ABHD18: variants seen among roughly 807,000 people sequenced by gnomAD.
ABHD18 encodes cardiolipin-specific deacylase, mitochondrial.
In ABHD18, 55 loss-of-function variants were observed where a neutral mutation model predicts 65.9. The ratio of observed to expected loss-of-function variants is 0.84; its 90% CI spans 0.67 to 1.05. ABHD18 has a LOEUF of 1.05. ABHD18 is among the 50% of genes least tolerant of loss of function. The probability of loss-of-function intolerance (pLI) is 0.00; values close to 1 mark genes in which losing one functional copy is unlikely to be tolerated. For synonymous variants in ABHD18, 181 were observed against 180.2 expected (o/e 1.00, Z -0.04); for missense variants, 533 against 558.5 (o/e 0.95, Z 0.46).
At chr4:127,973,296 G>A (rs1317322629) in intron 1 of ABHD18, among the ~76,000 whole-genome samples, 3 of 152,164 alleles carry the variant, frequency 2.0e-5, no homozygotes, top group Non-Finnish European at 4.4e-5. Flanking sequence ...GATTACAGAT[G>A]TAAGCCACCA....
At chr4:128,025,635 A>G (rs553446623) in intron 10 of ABHD18, among the ~76,000 whole-genome samples, 2 of 152,296 alleles carry the variant, frequency 1.3e-5, no homozygotes, top group South Asian at 4.1e-4. Context: ...ATAAGTGTAA[A>G]TTCCTAGAAA....
intron 1 of ABHD18, among the ~76,000 whole-genome samples, chr4:127,966,845 A>T (rs1242719162): frequency 2.0e-5 from 3 of 148,604 alleles, no homozygotes; most frequent in Non-Finnish European, 4.5e-5. Context: ...AGATCACGCC[A>T]CTGCACTCCA....
intron 4 of ABHD18, among the ~76,000 whole-genome samples, chr4:127,992,895 A>T (rs1751162708): frequency 6.6e-6 from 1 of 152,084 alleles, no homozygotes; most frequent in Non-Finnish European, 1.5e-5. Context: ...GAAAGCATTA[A>T]GTCAGCCTGA....
At chr4:128,013,358 A>C (rs11947313) in intron 7 of ABHD18, among the ~76,000 whole-genome samples, 4,428 of 152,214 alleles carry the variant, frequency 0.029, 199 homozygotes, top group African/African-American at 0.1. Flanking sequence ...GATATAGTTA[A>C]GTTTAAATAA....
rs70966065 is a variant in ABHD18 at position 127,966,702 on chromosome 4, C to CAAAAAAAA, written c.-18+1125_-18+1132dup. On this transcript the variant is annotated intron_variant, in intron 1 of 12. Transcript: ENST00000645843. ...TGAAACCCCGTCTCTACTAAAAATA[C>CAAAAAAAA]AAAAAAAAAAAAAAAAAAAAAAAAA... Among the ~76,000 whole-genome samples the CAAAAAAAA allele has an allele frequency of 8.4e-4, 18 of 21,540 alleles. 4 individuals are homozygous for CAAAAAAAA. The highest frequency in any genetic ancestry group is 1.2e-3 in the African/African-American group (7 of 5,640). 14.1% of individuals were successfully genotyped at this position (21,540 alleles called of 152,430 possible). A position where few individuals can be genotyped will look rare whatever the true frequency, so the allele number is the denominator to read the frequency against.
chr4:127,972,088 G>C (rs758042180), intron 1 of ABHD18, among the ~76,000 whole-genome samples: 103 of 152,210 alleles, frequency 6.8e-4, no homozygotes, highest in Non-Finnish European at 2.1e-4. Context: ...TATGATTATA[G>C]GTTATTATAA....
intron 1 of ABHD18, among the ~76,000 whole-genome samples, chr4:127,973,731 T>C (rs1437902045): frequency 1.3e-5 from 2 of 150,756 alleles, no homozygotes; most frequent in African/African-American, 4.9e-5. Context: ...AGCTGCCATG[T>C]TGTGAACTTC....
At chr4:127,981,595 A>C (rs1405037115) in intron 1 of ABHD18, among the ~76,000 whole-genome samples, 1 of 152,190 alleles carries the variant, frequency 6.6e-6, no homozygotes, top group Admixed American at 6.5e-5. Flanking sequence ...GGAACTTATT[A>C]ACCCACCCAG....
intron 1 of ABHD18, among the ~76,000 whole-genome samples, chr4:127,978,682 A>G (rs1405192468): frequency 6.6e-6 from 1 of 152,180 alleles, no homozygotes; most frequent in African/African-American, 2.4e-5. Context: ...TCCATTTTAC[A>G]GATGAATTAC....
chr4:127,983,192 A>C, intron 2 of ABHD18, 145 bp downstream of exon 2: 1 of 576,934 alleles, frequency 1.7e-6, no homozygotes, highest in Non-Finnish European at 3.0e-6. Context: ...TTTCCTTTTT[A>C]CTTTTGTCTT....
intron 4 of ABHD18, among the ~76,000 whole-genome samples, chr4:128,008,643 G>T (rs1754045901): frequency 6.6e-6 from 1 of 151,996 alleles, no homozygotes; most frequent in South Asian, 2.1e-4. Flanking sequence ...ATTTCTTTAT[G>T]TATTTATTAA....
At chr4:128,003,325 G>A (rs972894522) in intron 4 of ABHD18, among the ~76,000 whole-genome samples, 9 of 150,680 alleles carry the variant, frequency 6.0e-5, no homozygotes, top group African/African-American at 9.8e-5. Context: ...CCGAGATCGC[G>A]CCACTGTACT....
intron 4 of ABHD18, among the ~76,000 whole-genome samples, chr4:127,993,129 T>C (rs894020058): frequency 1.3e-5 from 2 of 152,142 alleles, no homozygotes; most frequent in Non-Finnish European, 2.9e-5. Context: ...TTAGCCAGTA[T>C]GCTAAAGGAT....
chr4:127,985,178 A>G (rs1389312440), intron 3 of ABHD18, among the ~76,000 whole-genome samples: 3 of 152,208 alleles, frequency 2.0e-5, no homozygotes, highest in Non-Finnish European at 4.4e-5. Context: ...AGAGAATGGT[A>G]GAAAGAAAAT....
chr4:128,001,903 A>C, intron 4 of ABHD18: 1 of 1,028,124 alleles, frequency 9.7e-7, no homozygotes, highest in East Asian at 3.1e-5. Context: ...GTTTGAAAAA[A>C]ACAGATAAAT....
chr4:127,968,039 C>T (rs1171493706), intron 1 of ABHD18, among the ~76,000 whole-genome samples: 10 of 152,128 alleles, frequency 6.6e-5, no homozygotes, highest in Non-Finnish European at 1.3e-4. Context: ...GAAACCCCGT[C>T]TCTACTAAAA....
At chr4:128,018,695 A>G (rs1160445310) in intron 8 of ABHD18, among the ~76,000 whole-genome samples, 2 of 152,074 alleles carry the variant, frequency 1.3e-5, no homozygotes, top group Non-Finnish European at 2.9e-5. Context: ...CTTGAATTAG[A>G]AAATTAAGCT....
chr4:128,014,924 A>T (rs1755222556), intron 7 of ABHD18, among the ~76,000 whole-genome samples: 1 of 152,152 alleles, frequency 6.6e-6, no homozygotes, highest in Admixed American at 6.6e-5. Flanking sequence ...CTAAAAATAC[A>T]GAAATTAGCT....
rs186224305 is a variant in ABHD18 at position 128,034,045 on chromosome 4, G to A, written c.1344-1717G>A. 3.2e-3 allele frequency among the ~76,000 whole-genome samples: 445 copies of A among 139,670 alleles called. 4 individuals carry two copies. The highest frequency in any genetic ancestry group is 0.012 in the African/African-American group (428 of 37,118). 91.6% of individuals were successfully genotyped at this position (139,670 alleles called of 152,430 possible). A position where few individuals can be genotyped will look rare whatever the true frequency, so the allele number is the denominator to read the frequency against. On this transcript the variant is annotated intron_variant, in intron 12 of 12. Transcript: ENST00000645843. ...GCGATCTTGGCTCACTGCATCCTCC[G>A]CCTCCCAGGTTCAAGCAATTCTCCT...
Sources: gnomAD v4.1 joint callset for allele counts (sites outside exome capture counted in the v4.1 genomes callset) on GRCh38, gnomAD v4.1.1 for gene constraint, MANE v1.5 for transcripts, NCBI Gene and HGNC (gene_info 2026-07-23, HGNC 2026-07-21) for gene names.